Variants in TCF4 observed in about 807,000 individuals in gnomAD.
The protein encoded by TCF4 is transcription factor 4.
A neutral mutation model predicts 82.1 loss-of-function variants in TCF4; 3 were observed. The observed-to-expected ratio is 0.04, with a 90% CI of 0.02 to 0.09. The LOEUF is 0.09. TCF4 is among the 10% of genes least tolerant of loss of function. TCF4 has a pLI of 1.00. For synonymous variants in TCF4, 276 were observed against 309.6 expected (o/e 0.89, Z 1.14); for missense variants, 518 against 852.7 (o/e 0.61, Z 4.89).
At chr18:55,361,018 C>G (rs938906966) in intron 6 of TCF4, among the ~76,000 whole-genome samples, 3 of 152,194 alleles carry the variant, frequency 2.0e-5, no homozygotes, top group African/African-American at 7.2e-5. Flanking sequence ...AGCCACCACA[C>G]CTGGCCTGCT....
intron 8 of TCF4, among the ~76,000 whole-genome samples, chr18:55,299,815 C>T (rs921417422): frequency 5.9e-5 from 9 of 152,118 alleles, no homozygotes; most frequent in Non-Finnish European, 1.0e-4. Context: ...CAGATGCAAT[C>T]CCTGCTGAGC....
intron 8 of TCF4, chr18:55,321,634 T>G: frequency 6.5e-7 from 1 of 1,536,074 alleles, no homozygotes; most frequent in Non-Finnish European, 8.7e-7. Context: ...CAATAAAACT[T>G]GTCAAAAATC....
intron 5 of TCF4, among the ~76,000 whole-genome samples, chr18:55,414,137 T>C (rs980905969): frequency 3.9e-4 from 60 of 152,206 alleles, no homozygotes; most frequent in African/African-American, 1.3e-3. Context: ...TGAGATTTCA[T>C]GCAAGATGAC....
At chr18:55,352,827 A>C (rs1479876483) in intron 6 of TCF4, among the ~76,000 whole-genome samples, 4 of 152,152 alleles carry the variant, frequency 2.6e-5, no homozygotes, top group Admixed American at 1.3e-4. Context: ...TCTTATTAAC[A>C]AAGAAAGTTA....
intron 16 of TCF4, among the ~76,000 whole-genome samples, chr18:55,234,114 G>A (rs1300168328): frequency 6.6e-6 from 1 of 152,128 alleles, no homozygotes; most frequent in African/African-American, 2.4e-5. Context: ...ACTCAAGAGC[G>A]AAAATCATGC....
At chr18:55,244,363 G>C (rs1225792555) in intron 15 of TCF4, among the ~76,000 whole-genome samples, 1 of 152,158 alleles carries the variant, frequency 6.6e-6, no homozygotes, top group Non-Finnish European at 1.5e-5. Flanking sequence ...GTTTAAAGAG[G>C]AAATTCAAAC....
At chr18:55,388,842 G>T (rs1425784997) in intron 6 of TCF4, among the ~76,000 whole-genome samples, 2 of 152,022 alleles carry the variant, frequency 1.3e-5, no homozygotes, top group Non-Finnish European at 2.9e-5. Context: ...TCCCAGCCTC[G>T]GCTGGGCACA....
In TCF4 at chr18:55,624,759, G is replaced by T. The variant is rs183567305; in HGVS notation, c.286+6539C>A. Among the ~76,000 whole-genome samples the T allele has an allele frequency of 1.4e-4, 21 of 152,056 alleles. 1 individual carries two copies. In the East Asian group the frequency reaches 4.1e-3, roughly 29 times the overall value. The stretch of plus-strand genomic sequence containing the variant: ...CTCTAGCTATGTTCTTACATCCTTC[G>T]TTTCATTTACTACCCAACTCCTTGA... On this transcript the variant is annotated intron_variant, in intron 2 of 20. Coordinates refer to the TCF4 transcript ENST00000398339.
chr18:55,457,504 T>G (rs1272028440), intron 5 of TCF4, among the ~76,000 whole-genome samples: 1 of 135,434 alleles, frequency 7.4e-6, no homozygotes, highest in Non-Finnish European at 1.6e-5. Context: ...TACTTTTTTT[T>G]GAGATGGGAT....
chr18:55,589,911 G>C, upstream of TCF4: 2 of 861,526 alleles, frequency 2.3e-6, no homozygotes, highest in Non-Finnish European at 2.8e-6. Flanking sequence ...CTAGAGAGGC[G>C]GCCAAGATGG....
chr18:55,399,786 T>C (rs2093691206), intron 6 of TCF4, among the ~76,000 whole-genome samples: 1 of 151,478 alleles, frequency 6.6e-6, no homozygotes, highest in Non-Finnish European at 1.5e-5. Flanking sequence ...CAGGCCCAGC[T>C]CACAAGATTC....
intron 5 of TCF4, among the ~76,000 whole-genome samples, chr18:55,426,118 T>TATATATATATAC (rs1377856275): frequency 6.9e-6 from 1 of 145,158 alleles, no homozygotes; most frequent in African/African-American, 2.6e-5. Context: ...TATATATATA[T>TATATATATATAC]ACACACACAC....
At chr18:55,279,876 G>C (rs1445784721) in intron 8 of TCF4, among the ~76,000 whole-genome samples, 1 of 152,148 alleles carries the variant, frequency 6.6e-6, no homozygotes, top group Non-Finnish European at 1.5e-5. Context: ...AAATAACCAG[G>C]TGTGTTATAT....
chr18:55,406,868 G>C (rs1346904592), intron 5 of TCF4, among the ~76,000 whole-genome samples: 1 of 152,162 alleles, frequency 6.6e-6, no homozygotes, highest in Non-Finnish European at 1.5e-5. Context: ...ACAACCCTCC[G>C]GTACTAGAAT....
At chr18:55,527,771 C>T (rs2146638831) in intron 3 of TCF4, among the ~76,000 whole-genome samples, 1 of 152,154 alleles carries the variant, frequency 6.6e-6, no homozygotes, top group South Asian at 2.1e-4. Flanking sequence ...AGATTGGCCT[C>T]CCCCAAGATT....
chr18:55,588,048 C>G lies in TCF4; in HGVS notation c.-31G>C, dbSNP rs1304315196. On this transcript the variant is annotated 5_prime_UTR_variant, in exon 1 of 20. Coordinates refer to ENST00000354452, the MANE Select transcript of TCF4 (RefSeq NM_001083962.2). ...GGCGCCGGTACCTACCGCCCGCGCG[C>G]GAGAAGGGGCTCTCCGTGCACCGCC... 2.2e-5 allele frequency: 22 copies of G among 983,320 alleles called. No individual in the cohort carries two copies. Among genetic ancestry groups the G allele is most frequent in the Non-Finnish European group, 2.5e-5 (21 of 829,334 alleles). The allele number at this position is 983,320 out of a possible 1,614,324, so 60.9% of individuals were successfully genotyped here.
In TCF4 at chr18:55,454,422, A is replaced by G. The variant is rs981726032; in HGVS notation, c.304+6597T>C. 7.0e-4 allele frequency among the ~76,000 whole-genome samples: 107 copies of G among 152,204 alleles called. 1 individual carries two copies. Among genetic ancestry groups the G allele is most frequent in the African/African-American group, 2.5e-3 (105 of 41,524 alleles). ...TTCATTCAACGTTTAAACCCTATCT[A>G]TCTAATTCCCTGATTCACTCGACAG... On this transcript the variant is annotated intron_variant, in intron 5 of 19. Transcript: ENST00000354452.
At chr18:55,570,013 A>G (rs966713578) in intron 3 of TCF4, among the ~76,000 whole-genome samples, 6 of 152,156 alleles carry the variant, frequency 3.9e-5, no homozygotes, top group Admixed American at 1.3e-4. Flanking sequence ...ACAACAAAAT[A>G]CAGTTATAAC....
At chr18:55,282,155 G>C (rs2062743474) in intron 8 of TCF4, among the ~76,000 whole-genome samples, 1 of 151,476 alleles carries the variant, frequency 6.6e-6, no homozygotes, top group Admixed American at 6.6e-5. Flanking sequence ...TTATTTTCAA[G>C]GTAAGATCTC....
Sources: allele counts gnomAD v4.1 joint callset (sites outside exome capture counted in the v4.1 genomes callset), GRCh38; gene constraint gnomAD v4.1.1; transcripts MANE v1.5; gene names NCBI Gene and HGNC (gene_info 2026-07-23, HGNC 2026-07-21).